NOS1AP: variants seen among roughly 807,000 people sequenced by gnomAD.
The protein encoded by NOS1AP is nitric oxide synthase 1 adaptor protein, also known as carboxyl-terminal PDZ ligand of neuronal nitric oxide synthase protein.
NOS1AP carries 21 observed loss-of-function variants against 56.2 expected under a neutral mutation model. The observed-to-expected ratio is 0.37, with a 90% CI of 0.26 to 0.54. The LOEUF (loss-of-function observed/expected upper bound fraction) is 0.54. Ranked by LOEUF, NOS1AP falls within the 20% of genes least tolerant of loss-of-function variation. NOS1AP has a pLI of 0.84. For synonymous variants in NOS1AP, 270 were observed against 274.6 expected, an observed-to-expected ratio of 0.98 and a Z score of 0.17; for missense variants, 522 against 657.8, an observed-to-expected ratio of 0.79 and a Z score of 2.26.
chr1:162,178,019 C>A (rs534164418), intron 2 of NOS1AP, among the ~76,000 whole-genome samples: 1 of 152,334 alleles, frequency 6.6e-6, no homozygotes, highest in South Asian at 2.1e-4. Context: ...CTCCTCCTAA[C>A]CTCTAGCAAA....
At chr1:162,340,434 G>A (rs146942513) in intron 5 of NOS1AP, among the ~76,000 whole-genome samples, 89 of 152,280 alleles carry the variant, frequency 5.8e-4, no homozygotes, top group African/African-American at 2.1e-3. Context: ...ATAAGTAAGA[G>A]GTGATTCCCT....
chr1:162,141,464 C>G (rs1649232045), intron 1 of NOS1AP, among the ~76,000 whole-genome samples: 1 of 152,178 alleles, frequency 6.6e-6, no homozygotes, highest in South Asian at 2.1e-4. Context: ...TTAGTCAGTC[C>G]TGCCTTGTTG....
chr1:162,109,510 T>C (rs1044029680), intron 1 of NOS1AP, among the ~76,000 whole-genome samples: 1 of 152,214 alleles, frequency 6.6e-6, no homozygotes, highest in African/African-American at 2.4e-5. Context: ...CAGGTGGGTA[T>C]GGATGAAACC....
chr1:162,098,082 A>T (rs1488453116), intron 1 of NOS1AP, among the ~76,000 whole-genome samples: 1 of 146,530 alleles, frequency 6.8e-6, no homozygotes, highest in Admixed American at 6.8e-5. Flanking sequence ...TTTATTTATA[A>T]TAGTTTCTTC....
At chr1:162,325,885 C>T (rs1415238910) in intron 4 of NOS1AP, among the ~76,000 whole-genome samples, 2 of 151,868 alleles carry the variant, frequency 1.3e-5, no homozygotes, top group Non-Finnish European at 2.9e-5. Context: ...CTCTATACCA[C>T]ACACTGGAGA....
intron 2 of NOS1AP, among the ~76,000 whole-genome samples, chr1:162,282,539 C>T (rs1173464671): frequency 6.6e-6 from 1 of 152,198 alleles, no homozygotes. Flanking sequence ...TTGTATCTTA[C>T]TGTCTAAATT....
chr1:162,248,661 G>A (rs775621472), intron 2 of NOS1AP, among the ~76,000 whole-genome samples: 1 of 152,134 alleles, frequency 6.6e-6, no homozygotes, highest in Non-Finnish European at 1.5e-5. Context: ...ACAACTGAAT[G>A]TTTCTCTAGA....
intron 2 of NOS1AP, among the ~76,000 whole-genome samples, chr1:162,255,202 A>G (rs1653985625): frequency 6.6e-6 from 1 of 152,122 alleles, no homozygotes; most frequent in South Asian, 2.1e-4. Context: ...CTTGAGGAAC[A>G]TTTTATTTTG....
intron 6 of NOS1AP, among the ~76,000 whole-genome samples, chr1:162,346,978 TC>T (rs1341691302): frequency 6.6e-6 from 1 of 152,224 alleles, no homozygotes; most frequent in African/African-American, 2.4e-5. Context: ...ATCTCTGTGA[TC>T]TAGGGCTTAG....
At chr1:162,133,582 T>C (rs1183095378) in intron 1 of NOS1AP, among the ~76,000 whole-genome samples, 1 of 152,252 alleles carries the variant, frequency 6.6e-6, no homozygotes, top group African/African-American at 2.4e-5. Flanking sequence ...TTCTATCCCT[T>C]TTACATGATA....
chr1:162,186,304 G>A (rs549630380), intron 2 of NOS1AP, among the ~76,000 whole-genome samples: 10 of 151,602 alleles, frequency 6.6e-5, no homozygotes, highest in Non-Finnish European at 1.3e-4. Context: ...TTTCCACAGT[G>A]CATTTAATTA....
chr1:162,185,659 T>A (rs1645592044), intron 2 of NOS1AP, among the ~76,000 whole-genome samples: 1 of 152,242 alleles, frequency 6.6e-6, no homozygotes, highest in Non-Finnish European at 1.5e-5. Context: ...CATTCTCACC[T>A]ACTGTCTAGG....
chr1:162,087,129 A>G (rs1433799641), intron 1 of NOS1AP, among the ~76,000 whole-genome samples: 1 of 152,168 alleles, frequency 6.6e-6, no homozygotes, highest in Non-Finnish European at 1.5e-5. Flanking sequence ...AAAGACACAC[A>G]GGGTTGGATG....
intron 1 of NOS1AP, among the ~76,000 whole-genome samples, chr1:162,130,772 C>T (rs1376382979): frequency 2.0e-5 from 3 of 152,120 alleles, no homozygotes; most frequent in African/African-American, 7.2e-5. Context: ...TTAGTGTGTA[C>T]CCTAACATTT....
chr1:162,355,115 AAGTATTAGGAAAGG>A, intron 6 of NOS1AP, 58 bp from the exon 7 acceptor site: 3 of 1,569,028 alleles, frequency 1.9e-6, no homozygotes, highest in Non-Finnish European at 2.6e-6. Context: ...CTGAAAGCTA[AAGTATTAGGAAAGG>A]AGGACTTTGT....
intron 1 of NOS1AP, among the ~76,000 whole-genome samples, chr1:162,093,241 GA>G (rs1476383745): frequency 1.3e-5 from 2 of 152,176 alleles, no homozygotes; most frequent in Non-Finnish European, 2.9e-5. Context: ...AGGGGATTAT[GA>G]AAGAGAATTT....
intron 1 of NOS1AP, among the ~76,000 whole-genome samples, chr1:162,080,449 G>A (rs1227388896): frequency 1.3e-5 from 2 of 152,146 alleles, no homozygotes; most frequent in Non-Finnish European, 2.9e-5. Context: ...AATGAGCAGC[G>A]TTGAGTATTG....
chr1:162,102,455 C>T (rs190919367), intron 1 of NOS1AP, among the ~76,000 whole-genome samples: 1 of 152,236 alleles, frequency 6.6e-6, no homozygotes, highest in Non-Finnish European at 1.5e-5. Context: ...ATCATGCTGG[C>T]CTCATAGAAT....
intron 4 of NOS1AP, among the ~76,000 whole-genome samples, chr1:162,328,769 A>G (rs979541044): frequency 6.6e-6 from 1 of 152,236 alleles, no homozygotes; most frequent in African/African-American, 2.4e-5. Flanking sequence ...TCCAGTCAAC[A>G]TGAGGGAAAA....
Sources: allele counts gnomAD v4.1 joint callset (sites outside exome capture counted in the v4.1 genomes callset), GRCh38; gene constraint gnomAD v4.1.1; transcripts MANE v1.5; gene names NCBI Gene and HGNC (gene_info 2026-07-23, HGNC 2026-07-21).